Variants in FGD4 observed in about 807,000 individuals in gnomAD.
The protein encoded by FGD4 is FYVE, RhoGEF and PH domain containing 4.
A neutral mutation model predicts 102.0 loss-of-function variants in FGD4; 42 were observed. The ratio of observed to expected loss-of-function variants is 0.41; its 90% CI spans 0.32 to 0.53. FGD4 has a LOEUF of 0.53. Among genes scored for constraint, FGD4 ranks in the 20% least tolerant of loss-of-function variants. The probability of loss-of-function intolerance (pLI) is 0.21; values close to 1 mark genes in which losing one functional copy is unlikely to be tolerated. For synonymous variants in FGD4, 380 were observed against 375.7 expected (o/e 1.01, Z -0.13); for missense variants, 902 against 1,078.2 (o/e 0.84, Z 2.29).
At chr12:32,432,160 C>T (rs1359418927) in intron 1 of FGD4, among the ~76,000 whole-genome samples, 2 of 150,194 alleles carry the variant, frequency 1.3e-5, no homozygotes, top group Non-Finnish European at 1.5e-5. Flanking sequence ...CCTGGGTTCA[C>T]ACCATTCTCC....
intron 4 of FGD4, among the ~76,000 whole-genome samples, chr12:32,594,677 T>C (rs890096863): frequency 6.6e-6 from 1 of 152,132 alleles, no homozygotes; most frequent in Admixed American, 6.5e-5. Flanking sequence ...CTCCTGGAAC[T>C]GTACACCAAA....
intron 1 of FGD4, among the ~76,000 whole-genome samples, chr12:32,477,693 C>G (rs188856310): frequency 1.2e-4 from 19 of 152,250 alleles, no homozygotes; most frequent in Admixed American, 3.3e-4. Flanking sequence ...GAAAGAGTCC[C>G]CTTCCACACA....
intron 1 of FGD4, among the ~76,000 whole-genome samples, chr12:32,551,480 G>A (rs1317532623): frequency 1.3e-5 from 2 of 152,152 alleles, no homozygotes; most frequent in African/African-American, 4.8e-5. Flanking sequence ...CAAAATTGAA[G>A]TACAGGGAAA....
chr12:32,635,935 C>T (rs547290842), intron 15 of FGD4, among the ~76,000 whole-genome samples: 13 of 151,792 alleles, frequency 8.6e-5, no homozygotes, highest in African/African-American at 2.7e-4. Flanking sequence ...TCACTTGAAC[C>T]TGGGAGATGG....
chr12:32,526,640 C>T (rs1282700159), intron 1 of FGD4, among the ~76,000 whole-genome samples: 11 of 152,182 alleles, frequency 7.2e-5, no homozygotes, highest in Non-Finnish European at 1.3e-4. Context: ...GCTCAGGTCC[C>T]CTTCCACACT....
chr12:32,636,684 T>C (rs1950835836), intron 15 of FGD4, among the ~76,000 whole-genome samples: 1 of 141,794 alleles, frequency 7.1e-6, no homozygotes, highest in Non-Finnish European at 1.5e-5. Context: ...TCCTACTTTG[T>C]GTGCTTACCA....
At chr12:32,410,234 A>C (rs1591845131) in intron 1 of FGD4, among the ~76,000 whole-genome samples, 1 of 151,974 alleles carries the variant, frequency 6.6e-6, no homozygotes, top group Non-Finnish European at 1.5e-5. Context: ...AGGCTGAGGC[A>C]GGAGAATGGC....
chr12:32,539,862 G>T (rs1305242783), intron 1 of FGD4, among the ~76,000 whole-genome samples: 1 of 152,134 alleles, frequency 6.6e-6, no homozygotes, highest in Non-Finnish European at 1.5e-5. Flanking sequence ...ATAGCAAAAA[G>T]AAATTATACA....
rs1555216677 is a variant in FGD4, at chr12:32,607,528, T to TTGTTG, written c.1405-428_1405-427insGTTGT. Among the ~76,000 whole-genome samples the TTGTTG allele has an allele frequency of 7.8e-3, 1,179 of 150,696 alleles. 17 individuals are homozygous for TTGTTG. Among genetic ancestry groups the TTGTTG allele is most frequent in the African/African-American group, 0.026 (1,053 of 40,038 alleles). ...TCTGTTTTCTGTTGTTGTTGTTGTT[T>TTGTTG]TTTTTGAGACGGAGTCTCACTCTGT... On this transcript the variant is annotated intron_variant, in intron 7 of 16. Transcript: ENST00000534526.
In FGD4 at chr12:32,597,378, G is replaced by A. The variant is rs145471461; in HGVS notation, c.1012-1119G>A. 1.2e-3 allele frequency among the ~76,000 whole-genome samples: 177 copies of A among 152,300 alleles called. 1 individual carries two copies. Among genetic ancestry groups the A allele is most frequent in the African/African-American group, 4.1e-3 (170 of 41,564 alleles). ...TGGTAGCAGTCAGGATGCCATGGTAGAGAAATAAGTTTAATTCAAGATTCC... is the reference window on the plus strand; with the variant it reads ...TGGTAGCAGTCAGGATGCCATGGTAAAGAAATAAGTTTAATTCAAGATTCC... On this transcript the variant is annotated intron_variant, in intron 4 of 16. Coordinates refer to ENST00000534526, the MANE Select transcript of FGD4 (RefSeq NM_001370298.3).
chr12:32,510,791 G>T (rs1233611105), intron 1 of FGD4, among the ~76,000 whole-genome samples: 3 of 152,172 alleles, frequency 2.0e-5, no homozygotes, highest in Non-Finnish European at 4.4e-5. Flanking sequence ...TTGTAGACAA[G>T]ATTCATCTAT....
At chr12:32,427,080 TC>T (rs56156458) in intron 1 of FGD4, among the ~76,000 whole-genome samples, 8,792 of 152,146 alleles carry the variant, frequency 0.058, 364 homozygotes, top group Middle Eastern at 0.13. Context: ...TCTGCTCTGA[TC>T]TTAGTTATTT....
chr12:32,501,600 ATG>A (rs1370467551), intron 1 of FGD4, among the ~76,000 whole-genome samples: 1 of 152,232 alleles, frequency 6.6e-6, no homozygotes. Flanking sequence ...GTAAAAATGA[ATG>A]TATGTTTGCC....
chr12:32,446,357 A>G (rs1942615252), intron 1 of FGD4, among the ~76,000 whole-genome samples: 1 of 151,894 alleles, frequency 6.6e-6, no homozygotes, highest in Admixed American at 6.6e-5. Flanking sequence ...CTCAACATTT[A>G]TATGTTGAAA....
chr12:32,525,281 A>G (rs1166240958), intron 1 of FGD4, among the ~76,000 whole-genome samples: 1 of 152,248 alleles, frequency 6.6e-6, no homozygotes, highest in Non-Finnish European at 1.5e-5. Context: ...CAGCCTCATA[A>G]CAAGGCTGTG....
chr12:32,444,021 CTTTTT>C (rs67353121), intron 1 of FGD4, among the ~76,000 whole-genome samples: 5 of 119,110 alleles, frequency 4.2e-5, no homozygotes, highest in Admixed American at 8.4e-5. Context: ...ACTTTGTTTT[CTTTTT>C]TTTTTTTTTT....
intron 8 of FGD4, among the ~76,000 whole-genome samples, 200 bp downstream of exon 8, chr12:32,608,295 A>G (rs75217948): frequency 1.7e-3 from 253 of 152,360 alleles, no homozygotes; most frequent in African/African-American, 5.8e-3. Context: ...GAGCAATGCA[A>G]ATCACATTAA....
chr12:32,426,186 T>C (rs897403595), intron 1 of FGD4, among the ~76,000 whole-genome samples: 5 of 152,172 alleles, frequency 3.3e-5, no homozygotes, highest in African/African-American at 1.2e-4. Context: ...TTCAGTATAA[T>C]ATTAGTTGTG....
intron 1 of FGD4, among the ~76,000 whole-genome samples, chr12:32,500,392 TTTTTATTTTATTTTA>T (rs56752650): frequency 0.017 from 2,237 of 135,294 alleles, 25 homozygotes; most frequent in Middle Eastern, 0.085. Context: ...TTTTATTTTA[TTTTTATTTTATTTTA>T]TTTTATTTTA....
Sources: gnomAD v4.1 joint callset for allele counts (sites outside exome capture counted in the v4.1 genomes callset) on GRCh38, gnomAD v4.1.1 for gene constraint, MANE v1.5 for transcripts, NCBI Gene and HGNC (gene_info 2026-07-23, HGNC 2026-07-21) for gene names.